Variants in IQCK observed in about 807,000 individuals in gnomAD.
The protein encoded by IQCK is IQ domain-containing protein K.
Under a neutral mutation model 28.1 loss-of-function variants are expected in IQCK, and 29 were observed. That is an observed-to-expected ratio of 1.03 (90% CI 0.77 to 1.41). The LOEUF (loss-of-function observed/expected upper bound fraction) is 1.41, where lower values mean the gene tolerates loss of function less well. IQCK is among the 40% of genes most tolerant of loss of function. The probability of loss-of-function intolerance (pLI) is 0.00; values close to 1 mark genes in which losing one functional copy is unlikely to be tolerated. For synonymous variants in IQCK, 113 were observed against 115.1 expected (o/e 0.98, Z 0.12); for missense variants, 359 against 314.7 (o/e 1.14, Z -1.07).
chr16:19,810,634 G>A (rs1407793732), intron 7 of IQCK, among the ~76,000 whole-genome samples: 4 of 151,706 alleles, frequency 2.6e-5, no homozygotes, highest in African/African-American at 9.7e-5. Context: ...CCAACATGGC[G>A]AAACCCTCTA....
chr16:19,722,114 G>T lies in IQCK; in HGVS notation c.181+3627G>T, dbSNP rs548917590. ...ATGACCCCAACTGGCTCTCAGCACT[G>T]CTCAGCAATCAGCATCTCTCAATGC... On this transcript the variant is annotated intron_variant, in intron 1 of 7. Transcript: ENST00000564186. Among the ~76,000 whole-genome samples the T allele has an allele frequency of 2.6e-5, 4 of 152,200 alleles. No homozygotes were observed. The South Asian group carries it at 8.3e-4, about 32-fold the overall frequency.
At chr16:19,828,875 T>C (rs1363317783), downstream of IQCK, among the ~76,000 whole-genome samples, 1 of 140,836 alleles carries the variant, frequency 7.1e-6, no homozygotes, top group African/African-American at 2.7e-5. Context: ...TATATATAAA[T>C]ATATATATAA....
intron 4 of IQCK, among the ~76,000 whole-genome samples, chr16:19,750,153 G>C (rs566068373): frequency 1.4e-4 from 21 of 152,102 alleles, no homozygotes; most frequent in African/African-American, 4.6e-4. Flanking sequence ...TTGAGATGGA[G>C]TGTCGCGCCG....
chr16:19,821,923 T>G (rs1006951663), intron 7 of IQCK, among the ~76,000 whole-genome samples: 8 of 150,594 alleles, frequency 5.3e-5, no homozygotes, highest in Non-Finnish European at 1.0e-4. Flanking sequence ...AAACAAAAAA[T>G]TAAAAAATTA....
chr16:19,746,252 G>A (rs565102253), intron 4 of IQCK, among the ~76,000 whole-genome samples: 5 of 151,002 alleles, frequency 3.3e-5, no homozygotes, highest in Non-Finnish European at 7.4e-5. Context: ...TTGGGTGCAT[G>A]AGATGTTTTG....
exon 10 of IQCK, chr16:19,857,450 A>G (rs1287699572): frequency 4.5e-6 from 2 of 440,992 alleles, no homozygotes; most frequent in East Asian, 7.1e-5. Context: ...CTTCTTTTTT[A>G]TAAGTATGCA....
At chr16:19,744,099 C>G (rs1597511486) in intron 4 of IQCK, among the ~76,000 whole-genome samples, 1 of 152,230 alleles carries the variant, frequency 6.6e-6, no homozygotes, top group East Asian at 1.9e-4. Context: ...ACCCTTTCAA[C>G]CCAGGCCTGT....
intron 3 of IQCK, among the ~76,000 whole-genome samples, chr16:19,734,952 T>G (rs1271686649): frequency 6.6e-6 from 1 of 152,126 alleles, no homozygotes; most frequent in Non-Finnish European, 1.5e-5. Flanking sequence ...CCTTGGGCCT[T>G]GGCTAACGAC....
At chr16:19,835,900 T>G (rs552004599) in intron 9 of IQCK, among the ~76,000 whole-genome samples, 1 of 152,308 alleles carries the variant, frequency 6.6e-6, no homozygotes, top group East Asian at 1.9e-4. Context: ...GAAGTACCTC[T>G]ATAGGATTAA....
rs925799834 is a variant in IQCK at position 19,858,322 on chromosome 16, A to AG, written c.*1780dup. ...AGTGCGATAACATATCAGATTTAAA[A>AG]GGGGGGAAAAAGGTCTCATTAAATG... On this transcript the variant is annotated 3_prime_UTR_variant, in exon 10 of 10. Coordinates refer to the IQCK transcript ENST00000320394. 10 of 443,756 alleles carry AG rather than the reference A, an allele frequency of 2.3e-5. No homozygotes were observed. In the South Asian group the frequency reaches 3.1e-4, roughly 14 times the overall value. 27.5% of individuals were successfully genotyped at this position (443,756 alleles called of 1,614,324 possible). A position where few individuals can be genotyped will look rare whatever the true frequency, so the allele number is the denominator to read the frequency against.
intron 7 of IQCK, among the ~76,000 whole-genome samples, chr16:19,822,870 T>TA (rs964337535): frequency 1.3e-5 from 2 of 152,202 alleles, no homozygotes; most frequent in African/African-American, 2.4e-5. Context: ...GACCAAATTT[T>TA]AAAAAAATCA....
At chr16:19,826,647 G>C (rs2056153381) in intron 7 of IQCK, among the ~76,000 whole-genome samples, 1 of 152,160 alleles carries the variant, frequency 6.6e-6, no homozygotes. Flanking sequence ...CAAAGTGCTG[G>C]GATTACAGGC....
chr16:19,785,506 A>G (rs1039949581), intron 6 of IQCK, among the ~76,000 whole-genome samples: 2 of 152,242 alleles, frequency 1.3e-5, no homozygotes, highest in Non-Finnish European at 2.9e-5. Context: ...CGCCTAAGTA[A>G]CAAAAGGACC....
rs947561549 is a variant in IQCK at position 19,856,424 on chromosome 16, C to T, written c.803-63C>T. ...GTCCACACATCAGAGTTTCCGGTTT[C>T]CCAATGACAAGCCTGTCTACGTATG... On this transcript the variant is annotated intron_variant, in intron 9 of 9. Coordinates refer to the IQCK transcript ENST00000320394. 8 of 1,405,100 alleles carry T rather than the reference C, an allele frequency of 5.7e-6. No homozygotes were observed. The African/African-American group carries it at 9.9e-5, about 17-fold the overall frequency. 87.0% of individuals were successfully genotyped at this position (1,405,100 alleles called of 1,614,324 possible).
chr16:19,762,717 A>C (rs1435518487), intron 4 of IQCK, among the ~76,000 whole-genome samples: 1 of 152,160 alleles, frequency 6.6e-6, no homozygotes, highest in African/African-American at 2.4e-5. Flanking sequence ...GCAGTCAAAA[A>C]TCCACTTATA....
At chr16:19,845,606 G>A (rs1397206058) in intron 9 of IQCK, among the ~76,000 whole-genome samples, 1 of 152,130 alleles carries the variant, frequency 6.6e-6, no homozygotes, top group Non-Finnish European at 1.5e-5. Context: ...GCAAAATGGA[G>A]TTACCCTTGT....
intron 1 of IQCK, among the ~76,000 whole-genome samples, chr16:19,722,188 A>G (rs1017661700): frequency 6.6e-6 from 1 of 152,096 alleles, no homozygotes; most frequent in Non-Finnish European, 1.5e-5. Context: ...ACACCTCCTG[A>G]AATGTTCTGT....
chr16:19,822,493 A>T (rs13333788), intron 7 of IQCK, among the ~76,000 whole-genome samples: 1 of 152,052 alleles, frequency 6.6e-6, no homozygotes, highest in East Asian at 1.9e-4. Flanking sequence ...ATAAGTATTG[A>T]TACATGCTGC....
chr16:19,734,516 C>G (rs1253438655), intron 3 of IQCK, among the ~76,000 whole-genome samples: 1 of 148,086 alleles, frequency 6.8e-6, no homozygotes, highest in African/African-American at 2.5e-5. Context: ...ATAACCCTAG[C>G]TACTTGGGAG....
Sources: gnomAD v4.1 joint callset for allele counts (sites outside exome capture counted in the v4.1 genomes callset) on GRCh38, gnomAD v4.1.1 for gene constraint, MANE v1.5 for transcripts, NCBI Gene and HGNC (gene_info 2026-07-23, HGNC 2026-07-21) for gene names.